MYOM2: variants seen among roughly 807,000 people sequenced by gnomAD.
MYOM2 encodes myomesin-2.
In MYOM2, 254 loss-of-function variants were observed where a neutral mutation model predicts 187.6. The observed-to-expected ratio is 1.35, with a 90% CI of 1.22 to 1.50. The LOEUF is 1.50. MYOM2 is among the 40% of genes most tolerant of loss of function. The pLI is 0.00. For synonymous variants in MYOM2, 981 were observed against 753.8 expected (o/e 1.30, Z -4.94); for missense variants, 2,796 against 1,924.0 (o/e 1.45, Z -8.48).
rs1448006095 is a variant in MYOM2, at chr8:2,092,274, GC to G, written c.1829-70del. The G allele has an allele frequency of 3.3e-6, 5 of 1,530,430 alleles. No individual in the cohort carries two copies. The African/African-American group carries it at 5.5e-5, about 17-fold the overall frequency. 94.8% of individuals were successfully genotyped at this position (1,530,430 alleles called of 1,614,324 possible). A position where few individuals can be genotyped will look rare whatever the true frequency, so the allele number is the denominator to read the frequency against. On this transcript the variant is annotated intron_variant, in intron 15 of 36. Transcript: ENST00000262113. Reference sequence around the variant, plus strand: ...GGCTGTCCAGTTCCCTGTGAAAAGGGCCGGAAGATCTCTGCTGTAGCTTCCA... The same window carrying G: ...GGCTGTCCAGTTCCCTGTGAAAAGGGCGGAAGATCTCTGCTGTAGCTTCCA...
At chr8:2,073,874 G>C (rs570418643) in intron 10 of MYOM2, among the ~76,000 whole-genome samples, 1 of 152,210 alleles carries the variant, frequency 6.6e-6, no homozygotes, top group African/African-American at 2.4e-5. Flanking sequence ...CCAGGGAAGA[G>C]CTTCCTTACT....
chr8:2,118,025 T>C (rs1345229009), intron 28 of MYOM2, 73 bp downstream of exon 28: 1 of 1,336,430 alleles, frequency 7.5e-7, no homozygotes, highest in South Asian at 1.2e-5. Flanking sequence ...TTTCAGGGAG[T>C]AGCTGTGGCC....
intron 20 of MYOM2, among the ~76,000 whole-genome samples, chr8:2,101,416 G>A (rs185712292): frequency 3.3e-4 from 50 of 152,292 alleles, no homozygotes; most frequent in East Asian, 5.8e-4. Context: ...TAAGTCTTTC[G>A]TCTTGGCGTT....
In MYOM2 at chr8:2,072,372, C is replaced by T. The variant is rs369641198; in HGVS notation, c.821C>T (p.Thr274Met). ...GLPLSSMIPY[T>M]HFDVQFLEKF... is the part of the protein sequence containing the mutation. ...CCCCTGTCATCGATGATTCCGTACACGCACTTCGACGTCCAGTTTTTGGAG... is the reference window on the plus strand; with the variant it reads ...CCCCTGTCATCGATGATTCCGTACATGCACTTCGACGTCCAGTTTTTGGAG... The change falls in exon 9 of 37, where the codon ACG becomes ATG. Residue 274 changes from threonine (T) to methionine (M), a missense_variant. Thr to Met is a moderately conservative substitution (Grantham distance 81). Coordinates refer to ENST00000262113, the MANE Select transcript of MYOM2 (RefSeq NM_003970.4). 3.0e-5 allele frequency: 49 copies of T among 1,614,176 alleles called. No individual in the cohort carries two copies. Among genetic ancestry groups the T allele is most frequent in the Admixed American group, 2.8e-4 (17 of 60,024 alleles).
Position 2,081,310 on chromosome 8 carries a change from GCAGAA to G in MYOM2, c.1516+1698_1516+1702del, listed in dbSNP as rs1455095922. On this transcript the variant is annotated intron_variant, in intron 13 of 36. Coordinates refer to ENST00000262113, the MANE Select transcript of MYOM2 (RefSeq NM_003970.4). ...GGGAGGAACAGGCAGCCCAGCCCGTGCAGAATGAGGTTTGATTCTGGCCTGCGGGA... is the reference window on the plus strand; with the variant it reads ...GGGAGGAACAGGCAGCCCAGCCCGTGTGAGGTTTGATTCTGGCCTGCGGGA... 1.6e-4 allele frequency among the ~76,000 whole-genome samples: 21 copies of G among 134,530 alleles called. No homozygotes were observed. The East Asian group carries it at 3.9e-3, about 25-fold the overall frequency. The allele number at this position is 134,530 out of a possible 152,430, so 88.3% of individuals were successfully genotyped here.
intron 10 of MYOM2, 23 bp downstream of exon 10, chr8:2,073,523 G>A (rs1283323269): frequency 6.4e-7 from 1 of 1,571,806 alleles, no homozygotes; most frequent in South Asian, 1.1e-5. Flanking sequence ...GGGTTCTCAG[G>A]GTGCAGACCT....
intron 30 of MYOM2, among the ~76,000 whole-genome samples, chr8:2,123,918 T>C (rs1379859396): frequency 6.6e-6 from 1 of 152,242 alleles, no homozygotes; most frequent in Non-Finnish European, 1.5e-5. Flanking sequence ...GTTAAAATGA[T>C]GGAAACACTG....
chr8:2,076,576 C>T (rs967215117), intron 11 of MYOM2: 6 of 357,432 alleles, frequency 1.7e-5, no homozygotes, highest in African/African-American at 6.3e-5. Context: ...CTCTGAGCCC[C>T]GCGCTGTGGT....
At chr8:2,096,580 G>C (rs2116756196) in intron 18 of MYOM2, 146 bp downstream of exon 18, 2 of 831,416 alleles carry the variant, frequency 2.4e-6, no homozygotes, top group East Asian at 5.4e-5. Context: ...ATGAAGTTTT[G>C]GAGCTAAAAA....
chr8:2,076,308 A>T (rs771217860), intron 11 of MYOM2, 26 bp downstream of exon 11: 3 of 1,611,028 alleles, frequency 1.9e-6, no homozygotes, highest in African/African-American at 1.3e-5. Flanking sequence ...TCTCCCGGGG[A>T]TGGGAACGTT....
Position 2,096,252 on chromosome 8 carries a change from C to G in MYOM2, c.2131C>G (p.Pro711Ala). Residue 711 changes from proline (P) to alanine (A), a missense_variant, in exon 18 of 37, where the codon CCG (proline) becomes GCG (alanine). By Grantham distance (27) the Pro-to-Ala change is conservative (BLOSUM62 -1). Transcript: ENST00000262113. ...VIKVQAALTV[P>A]SHPYGITLLN... ...CTGGTTGTGCTTCCTTGCAGCCGTC[C>G]CGTCCCATCCTTATGGGATTACGCT... The G allele has an allele frequency of 6.2e-7, 1 of 1,613,550 alleles. No individual in the cohort carries two copies. Among genetic ancestry groups the G allele is most frequent in the Non-Finnish European group, 8.5e-7 (1 of 1,179,730 alleles).
At chr8:2,106,839 C>T (rs571366217) in intron 23 of MYOM2, among the ~76,000 whole-genome samples, 17 of 152,270 alleles carry the variant, frequency 1.1e-4, no homozygotes, top group African/African-American at 3.6e-4. Context: ...TCAATTTGTA[C>T]TTTTAAAGTT....
chr8:2,068,104 G>T (rs79655166), intron 6 of MYOM2, among the ~76,000 whole-genome samples: 8 of 152,162 alleles, frequency 5.3e-5, no homozygotes, highest in African/African-American at 1.2e-4. Context: ...GAGCATCGTG[G>T]GCGCAGCTCT....
At chr8:2,051,406 G>A (rs3779866) in intron 2 of MYOM2, among the ~76,000 whole-genome samples, 35,537 of 152,004 alleles carry the variant, frequency 0.23, 4,731 homozygotes, top group Non-Finnish European at 0.3. Flanking sequence ...GGCAGCTCAC[G>A]CCCCCATGGA....
chr8:2,087,095 A>C (rs1585881834), intron 14 of MYOM2, among the ~76,000 whole-genome samples: 2 of 152,364 alleles, frequency 1.3e-5, no homozygotes, highest in South Asian at 2.1e-4. Flanking sequence ...TTAAAGGCAC[A>C]GGTTGTGACC....
intron 16 of MYOM2, 103 bp downstream of exon 16, chr8:2,092,623 C>T: frequency 8.0e-7 from 1 of 1,253,758 alleles, no homozygotes; most frequent in South Asian, 1.5e-5. Flanking sequence ...CGCAAGGCTT[C>T]TGCGTAAATG....
intron 25 of MYOM2, among the ~76,000 whole-genome samples, chr8:2,110,895 A>C (rs1797048174): frequency 1.3e-5 from 2 of 152,200 alleles, no homozygotes; most frequent in African/African-American, 4.8e-5. Context: ...TTCCCATGAG[A>C]ATCATGACAC....
chr8:2,123,032 G>A (rs1585945314), intron 28 of MYOM2, among the ~76,000 whole-genome samples: 1 of 152,104 alleles, frequency 6.6e-6, no homozygotes, highest in East Asian at 1.9e-4. Flanking sequence ...CCTTCTGTGA[G>A]CAACTGTGAG....
intron 32 of MYOM2, among the ~76,000 whole-genome samples, chr8:2,133,363 A>G (rs2116894447): frequency 6.6e-6 from 1 of 152,284 alleles, no homozygotes; most frequent in Admixed American, 6.5e-5. Flanking sequence ...ATTTTGGACC[A>G]CACTGAGAAG....
Sources: gnomAD v4.1 joint callset for allele counts (sites outside exome capture counted in the v4.1 genomes callset) on GRCh38, gnomAD v4.1.1 for gene constraint, MANE v1.5 for transcripts, NCBI Gene and HGNC (gene_info 2026-07-23, HGNC 2026-07-21) for gene names.